The following EPHB1 variants were observed in gnomAD, a reference collection of about 807,000 sequenced individuals.
The protein encoded by EPHB1 is EPH receptor B1.
Under a neutral mutation model 94.4 loss-of-function variants are expected in EPHB1, and 30 were observed. That is an observed-to-expected ratio of 0.32 (90% confidence interval 0.24 to 0.43). The LOEUF (loss-of-function observed/expected upper bound fraction) is 0.43, where lower values mean the gene tolerates loss of function less well. Ranked by LOEUF, EPHB1 falls within the 20% of genes least tolerant of loss-of-function variation. The pLI is 1.00. For synonymous variants in EPHB1, 522 were observed against 489.1 expected, an observed-to-expected ratio of 1.07 and a Z score of -0.89; for missense variants, 1,055 against 1,308.3, an observed-to-expected ratio of 0.81 and a Z score of 2.99.
chr3:135,211,052 G>T (rs1319123168), intron 12 of EPHB1, among the ~76,000 whole-genome samples: 1 of 152,070 alleles, frequency 6.6e-6, no homozygotes, highest in Non-Finnish European at 1.5e-5. Context: ...TTACTTCTTT[G>T]CATTTACTTT....
intron 1 of EPHB1, among the ~76,000 whole-genome samples, chr3:134,905,285 C>T (rs1256894884): frequency 6.6e-6 from 1 of 152,234 alleles, no homozygotes; most frequent in Non-Finnish European, 1.5e-5. Flanking sequence ...AGGAGCCTCT[C>T]TCTGAAGCCG....
Position 134,956,773 on chromosome 3 carries a change from G to C in EPHB1, c.805+4721G>C, listed in dbSNP as rs190089467. ...AGCCATGCCATGCTACATATTGCTA[G>C]GTGTCATTGTCCTTAAGCTCTGAAT... On this transcript the variant is annotated intron_variant, in intron 3 of 15. Coordinates refer to ENST00000398015, the MANE Select transcript of EPHB1 (RefSeq NM_004441.5). Among the ~76,000 whole-genome samples the C allele has an allele frequency of 1.1e-3, 171 of 152,184 alleles. 1 individual carries two copies. Among genetic ancestry groups the C allele is most frequent in the Admixed American group, 9.7e-3 (149 of 15,298 alleles).
At chr3:135,053,021 G>GTATATATATATATATA (rs1400909264) in intron 3 of EPHB1, among the ~76,000 whole-genome samples, 3 of 68,826 alleles carry the variant, frequency 4.4e-5, no homozygotes, top group African/African-American at 1.5e-4. Flanking sequence ...ATATGTGTGT[G>GTATATATATATATATA]TGTGTGTATA....
chr3:135,013,890 C>A (rs36059), intron 3 of EPHB1, among the ~76,000 whole-genome samples: 51,614 of 151,958 alleles, frequency 0.34, 11,058 homozygotes, highest in African/African-American at 0.6. Context: ...CTGATGGAAA[C>A]AGTGATTCTG....
chr3:135,077,194 G>A (rs1315752974), intron 3 of EPHB1, among the ~76,000 whole-genome samples: 1 of 152,160 alleles, frequency 6.6e-6, no homozygotes, highest in African/African-American at 2.4e-5. Context: ...AGGGGAGAGT[G>A]GGCTTTGGAC....
At chr3:134,865,019 T>A (rs1417226364) in intron 1 of EPHB1, among the ~76,000 whole-genome samples, 1 of 152,136 alleles carries the variant, frequency 6.6e-6, no homozygotes, top group Admixed American at 6.5e-5. Flanking sequence ...AGGTTCAAGA[T>A]CTAAGGCTGG....
chr3:134,995,429 A>G (rs190500083), intron 3 of EPHB1, among the ~76,000 whole-genome samples: 1 of 152,350 alleles, frequency 6.6e-6, no homozygotes, highest in African/African-American at 2.4e-5. Flanking sequence ...AGTTTTGGGC[A>G]ATTAAGAATG....
chr3:135,147,962 C>T (rs2107692821), intron 5 of EPHB1, among the ~76,000 whole-genome samples: 1 of 152,294 alleles, frequency 6.6e-6, no homozygotes, highest in South Asian at 2.1e-4. Flanking sequence ...CCTCTTTAAA[C>T]ATTTTACTCC....
chr3:135,089,700 CTG>C (rs1337835044), intron 3 of EPHB1, among the ~76,000 whole-genome samples: 4 of 152,190 alleles, frequency 2.6e-5, no homozygotes, highest in Non-Finnish European at 4.4e-5. Context: ...TCGTGTTCAC[CTG>C]TCCAGCTAGG....
chr3:135,046,569 T>C (rs767163331), intron 3 of EPHB1, among the ~76,000 whole-genome samples: 12 of 152,214 alleles, frequency 7.9e-5, no homozygotes, highest in African/African-American at 1.2e-4. Context: ...TACCCCTTGG[T>C]GTCTGTGTGT....
chr3:135,016,542 G>A (rs1248993442), intron 3 of EPHB1, among the ~76,000 whole-genome samples: 2 of 152,222 alleles, frequency 1.3e-5, no homozygotes, highest in Admixed American at 1.3e-4. Context: ...GCACAGAGCT[G>A]GTTGCAGTGC....
intron 3 of EPHB1, chr3:134,978,011 G>A (rs1934253711): frequency 2.2e-6 from 1 of 455,170 alleles, no homozygotes; most frequent in Admixed American, 2.4e-5. Flanking sequence ...GATTGACATT[G>A]GAGGAGCCTG....
At chr3:134,894,869 C>T (rs1560285666) in intron 1 of EPHB1, among the ~76,000 whole-genome samples, 1 of 152,224 alleles carries the variant, frequency 6.6e-6, no homozygotes, top group South Asian at 2.1e-4. Flanking sequence ...ATTCCCCTAA[C>T]TGGTGTTTTT....
At chr3:135,039,062 A>G (rs1435654976) in intron 3 of EPHB1, among the ~76,000 whole-genome samples, 2 of 152,206 alleles carry the variant, frequency 1.3e-5, no homozygotes, top group Non-Finnish European at 2.9e-5. Context: ...GCCCCACCAG[A>G]GCAGCTAGAT....
At chr3:134,806,847 G>T (rs747096899) in intron 1 of EPHB1, among the ~76,000 whole-genome samples, 3 of 152,110 alleles carry the variant, frequency 2.0e-5, no homozygotes, top group Non-Finnish European at 4.4e-5. Context: ...GACAAATAAT[G>T]TACATATAAT....
intron 3 of EPHB1, among the ~76,000 whole-genome samples, chr3:135,089,170 T>G (rs1041993047): frequency 6.6e-6 from 1 of 152,212 alleles, no homozygotes; most frequent in African/African-American, 2.4e-5. Flanking sequence ...TTATTCTAGG[T>G]AAATTTACTT....
intron 2 of EPHB1, among the ~76,000 whole-genome samples, chr3:134,949,006 G>A (rs185266832): frequency 3.9e-5 from 6 of 152,316 alleles, no homozygotes; most frequent in African/African-American, 7.2e-5. Flanking sequence ...GTTTGGGGAT[G>A]TTAGTCTTTG....
intron 3 of EPHB1, among the ~76,000 whole-genome samples, chr3:135,089,539 C>T (rs1938483938): frequency 6.6e-6 from 1 of 152,232 alleles, no homozygotes; most frequent in African/African-American, 2.4e-5. Context: ...AAGTGAGACA[C>T]ATCAGGTGCC....
At chr3:135,160,201 G>C (rs1449825423) in intron 6 of EPHB1, among the ~76,000 whole-genome samples, 1 of 152,216 alleles carries the variant, frequency 6.6e-6, no homozygotes, top group Non-Finnish European at 1.5e-5. Flanking sequence ...CCCAGAGATA[G>C]TAGTGTGTCA....
Sources: allele counts gnomAD v4.1 joint callset (sites outside exome capture counted in the v4.1 genomes callset), GRCh38; gene constraint gnomAD v4.1.1; transcripts MANE v1.5; gene names NCBI Gene and HGNC (gene_info 2026-07-23, HGNC 2026-07-21).